The following METAP1D variants were observed in gnomAD, a reference collection of about 807,000 sequenced individuals.
The protein encoded by METAP1D is methionyl aminopeptidase type 1D, mitochondrial.
METAP1D carries 31 observed loss-of-function variants against 40.5 expected under a neutral mutation model. The ratio of observed to expected loss-of-function variants is 0.77; its 90% CI spans 0.58 to 1.03. The LOEUF (loss-of-function observed/expected upper bound fraction) is 1.03. METAP1D is among the 50% of genes least tolerant of loss of function. The pLI, the probability that METAP1D is intolerant of heterozygous loss-of-function variation, is 0.00. For missense variants in METAP1D, 411 were observed against 420.7 expected (o/e 0.98, Z 0.20); for synonymous variants, 151 against 146.4 (o/e 1.03, Z -0.22).
chr2:172,077,966 T>C, intron 7 of METAP1D, 72 bp downstream of exon 7: 1 of 838,148 alleles, frequency 1.2e-6, no homozygotes, highest in Non-Finnish European at 2.0e-6. Flanking sequence ...CTGAAGCTCT[T>C]CCTCTGACTT....
intron 3 of METAP1D, 24 bp from the exon 4 acceptor site, chr2:172,065,580 C>A: frequency 3.7e-6 from 6 of 1,610,588 alleles, no homozygotes; most frequent in Non-Finnish European, 5.1e-6. Flanking sequence ...TGTTGCTGCA[C>A]AATTTCTTTA....
chr2:172,038,685 G>T, intron 1 of METAP1D, among the ~76,000 whole-genome samples: 1 of 151,950 alleles, frequency 6.6e-6, no homozygotes, highest in East Asian at 1.9e-4. Context: ...AGACTTGTGC[G>T]GCAAAAGGAA....
intron 1 of METAP1D, among the ~76,000 whole-genome samples, chr2:172,008,302 T>G (rs936188308): frequency 1.3e-5 from 2 of 152,186 alleles, no homozygotes; most frequent in African/African-American, 4.8e-5. Flanking sequence ...ATTAGGAGTT[T>G]ACAAATGACA....
At chr2:172,068,618 A>G (rs995331906) in intron 5 of METAP1D, among the ~76,000 whole-genome samples, 1 of 151,202 alleles carries the variant, frequency 6.6e-6, no homozygotes, top group African/African-American at 2.4e-5. Flanking sequence ...GGTTCAAGTG[A>G]TTCTCCTGCC....
At chr2:172,041,131 A>G (rs1266107846) in intron 1 of METAP1D, among the ~76,000 whole-genome samples, 1 of 151,954 alleles carries the variant, frequency 6.6e-6, no homozygotes, top group Non-Finnish European at 1.5e-5. Flanking sequence ...AGGCCCCCCA[A>G]AAGCATATTA....
intron 1 of METAP1D, among the ~76,000 whole-genome samples, chr2:172,054,596 G>C (rs1026061121): frequency 1.3e-5 from 2 of 152,078 alleles, no homozygotes; most frequent in Non-Finnish European, 2.9e-5. Context: ...CCTACCTTCA[G>C]ATTTAACCTA....
chr2:172,076,032 A>G (rs1421496027), intron 6 of METAP1D, among the ~76,000 whole-genome samples: 1 of 152,140 alleles, frequency 6.6e-6, no homozygotes, highest in Non-Finnish European at 1.5e-5. Context: ...ATGCAGAGGA[A>G]CGAGAGGTAT....
In METAP1D at chr2:172,000,000, G is replaced by A. The variant is rs529923210; in HGVS notation, c.31G>A (p.Val11Ile). Residue 11 changes from valine (V) to isoleucine (I), a missense_variant, in exon 1 of 10, where the codon GTC becomes ATC. By Grantham distance (29) the Val-to-Ile change is conservative. Coordinates refer to ENST00000315796, the MANE Select transcript of METAP1D (RefSeq NM_199227.3). The stretch of plus-strand genomic sequence containing the variant: ...GGCGCCCAGTGGCGTCCACCTGCTC[G>A]TCCGCAGAGGTAAGCGCGTGGAGGA... The part of the protein sequence containing the change: MAAPSGVHLL[V>I]RRGSHRIFSS... The A allele has an allele frequency of 7.5e-7, 1 of 1,339,396 alleles. No individual in the cohort carries two copies. The highest frequency in any genetic ancestry group is 1.9e-5 in the South Asian group (1 of 52,264). The allele number at this position is 1,339,396 out of a possible 1,614,324, so 83.0% of individuals were successfully genotyped here.
intron 1 of METAP1D, among the ~76,000 whole-genome samples, chr2:172,038,268 C>T (rs1012170316): frequency 1.3e-5 from 2 of 152,084 alleles, no homozygotes; most frequent in Non-Finnish European, 2.9e-5. Flanking sequence ...AATTGTGTAG[C>T]ATTTTATTTG....
intron 1 of METAP1D, among the ~76,000 whole-genome samples, chr2:172,012,091 T>C (rs1415694448): frequency 3.3e-5 from 5 of 152,248 alleles, no homozygotes; most frequent in African/African-American, 9.6e-5. Context: ...GTGATCATTC[T>C]GGACGTGGGG....
intron 1 of METAP1D, among the ~76,000 whole-genome samples, chr2:172,009,686 AAG>A (rs1171117185): frequency 6.6e-6 from 1 of 152,186 alleles, no homozygotes. Flanking sequence ...ACTGTAGGGT[AAG>A]AGAGGATTAA....
intron 4 of METAP1D, 65 bp from the exon 5 acceptor site, chr2:172,066,199 T>C (rs1423608329): frequency 7.4e-7 from 1 of 1,348,304 alleles, no homozygotes; most frequent in Non-Finnish European, 1.0e-6. Flanking sequence ...TCATTAAGTA[T>C]TTATTTTTAT....
chr2:172,050,084 G>A (rs1689854099), intron 1 of METAP1D, among the ~76,000 whole-genome samples: 1 of 152,050 alleles, frequency 6.6e-6, no homozygotes, highest in Non-Finnish European at 1.5e-5. Context: ...AAAGCTCTGA[G>A]CTATTTCATC....
intron 1 of METAP1D, among the ~76,000 whole-genome samples, chr2:172,012,621 T>A (rs1197148737): frequency 6.6e-6 from 1 of 151,338 alleles, no homozygotes; most frequent in Non-Finnish European, 1.5e-5. Context: ...TTTTTGTGGC[T>A]TAGTATTTTG....
chr2:172,012,459 G>T (rs751678117), intron 1 of METAP1D, among the ~76,000 whole-genome samples: 46 of 152,144 alleles, frequency 3.0e-4, no homozygotes, highest in Non-Finnish European at 5.4e-4. Flanking sequence ...GGTGAAGCGT[G>T]GGGGAGAGTA....
At chr2:172,045,037 G>T (rs1274372647) in intron 1 of METAP1D, among the ~76,000 whole-genome samples, 1 of 134,584 alleles carries the variant, frequency 7.4e-6, no homozygotes. Flanking sequence ...GTGAGATACA[G>T]TTTTTCATTT....
At chr2:172,010,276 G>A (rs529635881) in intron 1 of METAP1D, among the ~76,000 whole-genome samples, 144 of 151,550 alleles carry the variant, frequency 9.5e-4, no homozygotes, top group Non-Finnish European at 1.7e-3. Context: ...AAGTAGCTGG[G>A]ACTACAGGTG....
intron 1 of METAP1D, among the ~76,000 whole-genome samples, chr2:172,033,383 TCA>T (rs1175946484): frequency 1.3e-5 from 2 of 151,440 alleles, no homozygotes; most frequent in African/African-American, 4.9e-5. Context: ...AGACGGAATC[TCA>T]CTCTGTCACC....
At chr2:172,010,334 G>A (rs185841862) in intron 1 of METAP1D, among the ~76,000 whole-genome samples, 1 of 150,942 alleles carries the variant, frequency 6.6e-6, no homozygotes, top group African/African-American at 2.4e-5. Context: ...TAGAGATGGG[G>A]TTTCACCATG....
Sources: gnomAD v4.1 joint callset for allele counts (sites outside exome capture counted in the v4.1 genomes callset) on GRCh38, gnomAD v4.1.1 for gene constraint, MANE v1.5 for transcripts, NCBI Gene and HGNC (gene_info 2026-07-23, HGNC 2026-07-21) for gene names.